C3: variants seen among roughly 807,000 people sequenced by gnomAD.
The protein encoded by C3 is C3 and PZP-like alpha-2-macroglobulin domain-containing protein 1.
C3 carries 97 observed loss-of-function variants against 207.9 expected under a neutral mutation model. The ratio of observed to expected loss-of-function variants is 0.47; its 90% CI spans 0.40 to 0.55. The LOEUF is 0.55. Among genes scored for constraint, C3 ranks in the 20% least tolerant of loss-of-function variants. The pLI, the probability that C3 is intolerant of heterozygous loss-of-function variation, is 0.00. For synonymous variants in C3, 848 were observed against 857.6 expected (o/e 0.99, Z 0.20); for missense variants, 1,684 against 2,171.7 (o/e 0.78, Z 4.46).
intron 33 of C3, chr19:6,682,900 A>C (rs987778689): frequency 1.3e-5 from 2 of 155,548 alleles, no homozygotes; most frequent in African/African-American, 2.4e-5. Context: ...AAAATGCAGC[A>C]AAGAAATGAA....
intron 38 of C3, 83 bp downstream of exon 38, chr19:6,679,042 C>T (rs927118067): frequency 1.8e-6 from 2 of 1,081,550 alleles, no homozygotes; most frequent in Non-Finnish European, 2.9e-6. Flanking sequence ...TGAAGCCACA[C>T]CATGACAACC....
At chr19:6,710,873 G>A (rs1599522780) in intron 12 of C3, 28 bp from the exon 13 acceptor site, 1 of 1,610,232 alleles carries the variant, frequency 6.2e-7, no homozygotes. Flanking sequence ...CATCAGGCTG[G>A]GGAGGGTGAG....
Position 6,697,325 on chromosome 19 carries a change from G to A in C3, c.2796+19C>T, listed in dbSNP as rs1967559520. ...CCCTCTCTGAAGGACAAGGGTTTGTGGGTGCCCCAAGCACTCACCACGACC... is the reference window on the plus strand; with the variant it reads ...CCCTCTCTGAAGGACAAGGGTTTGTAGGTGCCCCAAGCACTCACCACGACC... On this transcript the variant is annotated intron_variant, in intron 21 of 40. Transcript: ENST00000245907. 6.3e-7 allele frequency: 1 copy of A among 1,591,336 alleles called. No homozygotes were observed.
intron 17 of C3, among the ~76,000 whole-genome samples, chr19:6,703,250 G>A (rs940310516): frequency 2.0e-5 from 3 of 152,086 alleles, no homozygotes; most frequent in South Asian, 2.1e-4. Context: ...AAATGTACTG[G>A]TATAAGGACA....
intron 26 of C3, among the ~76,000 whole-genome samples, chr19:6,691,304 C>T (rs1438321971): frequency 1.3e-5 from 2 of 152,122 alleles, no homozygotes; most frequent in Non-Finnish European, 2.9e-5. Flanking sequence ...CCACCTGCCT[C>T]GGCCTCCCAC....
chr19:6,678,125 G>A (rs1253191602), intron 40 of C3, 27 bp downstream of exon 40: 1 of 1,614,100 alleles, frequency 6.2e-7, no homozygotes, highest in East Asian at 2.2e-5. Flanking sequence ...TCGGGCGGTC[G>A]CGCGCACGCG....
chr19:6,695,762 T>G (rs549392366), intron 23 of C3, among the ~76,000 whole-genome samples: 2 of 152,136 alleles, frequency 1.3e-5, no homozygotes, highest in East Asian at 3.9e-4. Flanking sequence ...TACAGGCTAT[T>G]GAGTCTCATT....
chr19:6,707,239 G>A lies in C3; in HGVS notation c.2082C>T (p.Cys694=), dbSNP rs757900637. 13 of 1,612,694 alleles carry A rather than the reference G, an allele frequency of 8.1e-6. No homozygotes were observed. The highest frequency in any genetic ancestry group is 1.1e-5 in the Non-Finnish European group (13 of 1,179,446). ...TGGGGTTCTCCCGCATGCCGTCCTC[G>A]CAGCACTTGCGCAGCTCCTTGGGGT... ...GKYPKELRKC[C]EDGMRENPMR... The change falls in exon 17 of 41, where the codon TGC becomes TGT. Residue 694 remains cysteine, a synonymous_variant. Coordinates refer to ENST00000245907, the MANE Select transcript of C3 (RefSeq NM_000064.4).
intron 19 of C3, among the ~76,000 whole-genome samples, chr19:6,699,092 G>A (rs953027316): frequency 3.3e-5 from 5 of 152,094 alleles, no homozygotes; most frequent in African/African-American, 7.2e-5. Flanking sequence ...CACCGTGCCC[G>A]ACCTGAGTTG....
rs1918002574 is a variant in C3, at chr19:6,686,162, C to T, written c.3772G>A (p.Glu1258Lys). ...TAGCCACCACCGTAGTATCTCTGTT[C>T]ATTGAGCCAACGCACGACGGGAGGC... Reference protein sequence around the residue: ...FVPPVVRWLNEQRYYGGGYGS... With the variant: ...FVPPVVRWLNKQRYYGGGYGS... The change falls in exon 29 of 41, where the codon GAA (glutamate) becomes AAA (lysine). Residue 1258 changes from glutamate (E) to lysine (K), a missense_variant. Glu to Lys is a moderately conservative substitution (Grantham distance 56). This residue lies in a region of C3 where 1,280 missense variants were observed against 1,739.1 expected (regional missense o/e 0.74). Transcript: ENST00000245907. The T allele has an allele frequency of 6.2e-7, 1 of 1,614,078 alleles. No individual in the cohort carries two copies. Among genetic ancestry groups the T allele is most frequent in the Non-Finnish European group, 8.5e-7 (1 of 1,180,032 alleles).
At chr19:6,692,829 C>A in intron 26 of C3, 95 bp downstream of exon 26, 3 of 1,431,090 alleles carry the variant, frequency 2.1e-6, no homozygotes, top group Non-Finnish European at 2.9e-6. Flanking sequence ...GGGAATTGGG[C>A]AGTGGGCACA....
chr19:6,720,446 C>G (rs1968137540), intron 1 of C3, 70 bp downstream of exon 1: 1 of 1,116,992 alleles, frequency 9.0e-7, no homozygotes, highest in African/African-American at 1.5e-5. Context: ...TCTACAGGGA[C>G]CTGGACCCCC....
In C3 at chr19:6,714,767, C is replaced by T. The variant is rs146857349; in HGVS notation, c.505-321G>A. Among the ~76,000 whole-genome samples, 186 of 152,264 alleles carry T rather than the reference C, an allele frequency of 1.2e-3. 1 individual carries two copies. In the South Asian group the frequency reaches 0.02, roughly 16 times the overall value. ...ATCCCAGCTACTCAGGAGGCTGAGG[C>T]GGGAGAATCGCTTGAACCCGGGAGG... On this transcript the variant is annotated intron_variant, in intron 4 of 40. Coordinates refer to ENST00000245907, the MANE Select transcript of C3 (RefSeq NM_000064.4).
Position 6,697,401 on chromosome 19 carries a change from C to T in C3, c.2739G>A (p.Lys913=). ...TGATGAAATGATGGTAGACAGCAGC[C>T]TTGACTTCCACTTCCTGCAGGCCGG... ...LKTGLQEVEV[K]AAVYHHFISD... is the part of the protein sequence containing the mutation. Residue 913 remains lysine, a synonymous_variant, in exon 21 of 41, where the codon AAG becomes AAA. Transcript: ENST00000245907. 2 of 1,614,042 alleles carry T rather than the reference C, an allele frequency of 1.2e-6. No individual in the cohort carries two copies. The highest frequency in any genetic ancestry group is 1.7e-6 in the Non-Finnish European group (2 of 1,180,020).
chr19:6,680,149 G>C lies in C3; in HGVS notation c.4456+9C>G. The C allele has an allele frequency of 6.5e-7, 1 of 1,542,754 alleles. No homozygotes were observed. The highest frequency in any genetic ancestry group is 1.4e-5 in the African/African-American group (1 of 73,506). On this transcript the variant is annotated intron_variant, in intron 36 of 40. Transcript: ENST00000245907. ...CCATCAGACCCCAGGCCCTAGGTTG[G>C]CTGCTCACCCAGGTTGTAATAGGCG...
At chr19:6,685,244 C>T (rs1300591780) in intron 29 of C3, 98 bp from the exon 30 acceptor site, 2 of 1,127,978 alleles carry the variant, frequency 1.8e-6, no homozygotes, top group South Asian at 1.3e-5. Flanking sequence ...GCTGGGACAT[C>T]AAAATGTGGC....
At chr19:6,712,843 A>C (rs537789141) in intron 9 of C3, among the ~76,000 whole-genome samples, 9 of 147,882 alleles carry the variant, frequency 6.1e-5, no homozygotes, top group African/African-American at 2.3e-4. Flanking sequence ...TGTGACCCCC[A>C]TCAGACCGGA....
At position 6,690,955 on chromosome 19, in the gene C3, C is replaced by T. The variant is rs3745566; in HGVS notation, c.3391-228G>A. The stretch of plus-strand genomic sequence containing the variant: ...TGCAATGTACAATGGGTACAACGGT[C>T]TGATCCATTGTAAAACCAGACACAG... On this transcript the variant is annotated intron_variant, in intron 26 of 40. Transcript: ENST00000245907. Among the ~76,000 whole-genome samples, 16,038 of 152,054 alleles carry T rather than the reference C, an allele frequency of 0.11. 1,015 individuals carry two copies. The highest frequency in any genetic ancestry group is 0.13 in the Non-Finnish European group (8,527 of 67,986).
At chr19:6,705,548 T>C (rs940083747) in intron 17 of C3, among the ~76,000 whole-genome samples, 1 of 151,954 alleles carries the variant, frequency 6.6e-6, no homozygotes, top group Non-Finnish European at 1.5e-5. Context: ...GGTTCTGCCA[T>C]GTTGCCCAGG....
Sources: gnomAD v4.1 joint callset for allele counts (sites outside exome capture counted in the v4.1 genomes callset) on GRCh38, gnomAD v4.1.1 for gene constraint, gnomAD v4.1.1 regional missense constraint, MANE v1.5 for transcripts, NCBI Gene and HGNC (gene_info 2026-07-23, HGNC 2026-07-21) for gene names.